The following CDYL2 variants were observed in gnomAD, a reference collection of about 807,000 sequenced individuals.
CDYL2 encodes the protein chromodomain Y like 2.
CDYL2 carries 23 observed loss-of-function variants against 49.4 expected under a neutral mutation model. That is an observed-to-expected ratio of 0.47 (90% CI 0.34 to 0.66). CDYL2 has a LOEUF of 0.66. Among genes scored for constraint, CDYL2 ranks in the 30% least tolerant of loss-of-function variants. The pLI is 0.01. For synonymous variants in CDYL2, 360 were observed against 268.8 expected (o/e 1.34, Z -3.32); for missense variants, 678 against 656.4 (o/e 1.03, Z -0.36).
intron 1 of CDYL2, among the ~76,000 whole-genome samples, chr16:80,726,626 T>C (rs1364983131): frequency 6.6e-6 from 1 of 151,948 alleles, no homozygotes; most frequent in African/African-American, 2.4e-5. Flanking sequence ...ATACCTAGCA[T>C]TCAGATCTTG....
chr16:80,723,977 G>A (rs991012883), intron 1 of CDYL2, among the ~76,000 whole-genome samples: 27 of 141,872 alleles, frequency 1.9e-4, no homozygotes, highest in Admixed American at 5.5e-4. Flanking sequence ...GAGGGAGAGA[G>A]AGGAAGAAGC....
At chr16:80,614,143 A>C (rs1055756565) in intron 4 of CDYL2, among the ~76,000 whole-genome samples, 1 of 152,258 alleles carries the variant, frequency 6.6e-6, no homozygotes, top group African/African-American at 2.4e-5. Context: ...GAGCAAATAC[A>C]TGAGTCTCCC....
At chr16:80,632,337 C>T (rs1429617606) in intron 3 of CDYL2, among the ~76,000 whole-genome samples, 2 of 152,114 alleles carry the variant, frequency 1.3e-5, no homozygotes, top group Non-Finnish European at 2.9e-5. Context: ...TGCACGTTTC[C>T]ATTGATACAA....
At chr16:80,731,543 C>A (rs1597104601) in intron 1 of CDYL2, among the ~76,000 whole-genome samples, 1 of 152,238 alleles carries the variant, frequency 6.6e-6, no homozygotes, top group East Asian at 1.9e-4. Context: ...CAGCACATAT[C>A]CCTATAAAAA....
intron 2 of CDYL2, among the ~76,000 whole-genome samples, chr16:80,663,235 G>C (rs368850883): frequency 6.6e-6 from 1 of 151,494 alleles, no homozygotes; most frequent in Non-Finnish European, 1.5e-5. Flanking sequence ...GACCAACCCA[G>C]GGGGAGTTCA....
chr16:80,684,082 C>T (rs1014665505), intron 2 of CDYL2, among the ~76,000 whole-genome samples: 3 of 152,138 alleles, frequency 2.0e-5, no homozygotes, highest in Non-Finnish European at 4.4e-5. Flanking sequence ...ACGGCACGGA[C>T]CCCAACCCAG....
At chr16:80,755,682 G>T (rs1430237356) in intron 1 of CDYL2, among the ~76,000 whole-genome samples, 2 of 152,168 alleles carry the variant, frequency 1.3e-5, no homozygotes, top group Admixed American at 6.5e-5. Flanking sequence ...GAGTTACAAA[G>T]AAATCACAAA....
At chr16:80,705,178 C>G (rs1368421466) in intron 1 of CDYL2, among the ~76,000 whole-genome samples, 1 of 152,216 alleles carries the variant, frequency 6.6e-6, no homozygotes. Context: ...ACATCTGGGA[C>G]CAGAGGTGGC....
chr16:80,620,632 T>G (rs1461829058), intron 4 of CDYL2, 131 bp downstream of exon 4: 1 of 740,690 alleles, frequency 1.4e-6, no homozygotes, highest in Non-Finnish European at 1.9e-6. Flanking sequence ...CCTCGAGTAT[T>G]GCACAGGATA....
chr16:80,748,946 T>C (rs1172400115), intron 1 of CDYL2, among the ~76,000 whole-genome samples: 1 of 152,190 alleles, frequency 6.6e-6, no homozygotes, highest in Non-Finnish European at 1.5e-5. Context: ...ACATTCTTTC[T>C]GTACATGGTT....
Position 80,804,140 on chromosome 16 carries a change from G to A in CDYL2, c.24+10C>T, listed in dbSNP as rs757491787. 1.7e-6 allele frequency: 2 copies of A among 1,198,050 alleles called. No individual in the cohort carries two copies. Among genetic ancestry groups the A allele is most frequent in the South Asian group, 1.8e-5 (1 of 56,388 alleles). The allele number at this position is 1,198,050 out of a possible 1,614,324, so 74.2% of individuals were successfully genotyped here. On this transcript the variant is annotated intron_variant, in intron 1 of 6. Transcript: ENST00000570137. ...GACTGGGGCCGGCCCGCGCCCCCGC[G>A]TCCCCGTACCTCGTAAAGGTCCCCA...
intron 2 of CDYL2, among the ~76,000 whole-genome samples, chr16:80,675,110 C>T (rs1909689181): frequency 6.6e-6 from 1 of 152,220 alleles, no homozygotes; most frequent in Admixed American, 6.5e-5. Flanking sequence ...ACTGAAGATG[C>T]CTCAAAGGCA....
At chr16:80,674,315 T>C (rs1909652487) in intron 2 of CDYL2, among the ~76,000 whole-genome samples, 1 of 152,152 alleles carries the variant, frequency 6.6e-6, no homozygotes, top group Non-Finnish European at 1.5e-5. Context: ...GTCGAGGAAA[T>C]TCAATGCACA....
At chr16:80,619,526 G>A (rs762622542) in intron 4 of CDYL2, among the ~76,000 whole-genome samples, 41 of 152,180 alleles carry the variant, frequency 2.7e-4, no homozygotes, top group Non-Finnish European at 4.6e-4. Flanking sequence ...TGTTTCTCTG[G>A]ATGGGCTCTG....
At chr16:80,689,243 T>C (rs767474275) in intron 1 of CDYL2, among the ~76,000 whole-genome samples, 75 of 152,320 alleles carry the variant, frequency 4.9e-4, no homozygotes, top group Non-Finnish European at 9.6e-4. Context: ...GACTCTGCTC[T>C]ATTGCAGGTG....
At chr16:80,610,588 C>A (rs1906550603) in intron 5 of CDYL2, among the ~76,000 whole-genome samples, 1 of 151,822 alleles carries the variant, frequency 6.6e-6, no homozygotes, top group Non-Finnish European at 1.5e-5. Context: ...ATAAAATTAA[C>A]AAAAAACCCA....
rs543893111 is a variant in CDYL2 at position 80,691,518 on chromosome 16, AG to A, written c.25-6390del. ...TGACTGGGGGACTCTGTGGCATCCA[AG>A]TGGTGAGAGAGACCAACAGGAATTT... is the stretch of plus-strand genomic sequence containing the variant. On this transcript the variant is annotated intron_variant, in intron 1 of 6. Transcript: ENST00000570137. Among the ~76,000 whole-genome samples the A allele has an allele frequency of 4.1e-3, 619 of 152,348 alleles. 4 individuals are homozygous for A. Among genetic ancestry groups the A allele is most frequent in the Middle Eastern group, 0.01 (3 of 294 alleles).
intron 2 of CDYL2, among the ~76,000 whole-genome samples, chr16:80,643,407 A>G (rs1290704259): frequency 2.0e-5 from 3 of 152,096 alleles, no homozygotes; most frequent in Non-Finnish European, 4.4e-5. Flanking sequence ...CTGTCAGTGG[A>G]TTTACCATTC....
In CDYL2 at chr16:80,804,499, G is replaced by T. The variant is rs1006359578; in HGVS notation, c.-326C>A. On this transcript the variant is annotated 5_prime_UTR_variant, in exon 1 of 7. Transcript: ENST00000570137. Reference sequence around the variant, plus strand: ...CGAGCGCCGCGGCCCCCGCGACCCGGCGACCCGGCGGCGGTGGCTGCAGCC... The same window carrying T: ...CGAGCGCCGCGGCCCCCGCGACCCGTCGACCCGGCGGCGGTGGCTGCAGCC... Among the ~76,000 whole-genome samples the T allele has an allele frequency of 8.3e-4, 120 of 144,348 alleles. 1 individual carries two copies. Among genetic ancestry groups the T allele is most frequent in the Non-Finnish European group, 1.7e-3 (109 of 65,138 alleles). 94.7% of individuals were successfully genotyped at this position (144,348 alleles called of 152,430 possible).
Sources: gnomAD v4.1 joint callset for allele counts (sites outside exome capture counted in the v4.1 genomes callset) on GRCh38, gnomAD v4.1.1 for gene constraint, MANE v1.5 for transcripts, NCBI Gene and HGNC (gene_info 2026-07-23, HGNC 2026-07-21) for gene names.